TBC1D4: variants seen among roughly 807,000 people sequenced by gnomAD.
TBC1D4 encodes the protein TBC (Tre-2, BUB2, CDC16) domain-containing protein.
TBC1D4 carries 121 observed loss-of-function variants against 142.5 expected under a neutral mutation model. The observed-to-expected ratio is 0.85, with a 90% CI of 0.73 to 0.99. TBC1D4 has a LOEUF of 0.99. TBC1D4 is among the 50% of genes least tolerant of loss of function. The pLI, the probability that TBC1D4 is intolerant of heterozygous loss-of-function variation, is 0.00. For synonymous variants in TBC1D4, 630 were observed against 628.2 expected, an observed-to-expected ratio of 1.00 and a Z score of -0.04; for missense variants, 1,475 against 1,606.6, an observed-to-expected ratio of 0.92 and a Z score of 1.40.
chr13:75,401,119 A>G (rs1885069515), intron 1 of TBC1D4, among the ~76,000 whole-genome samples: 1 of 152,198 alleles, frequency 6.6e-6, no homozygotes, highest in South Asian at 2.1e-4. Flanking sequence ...TGGTATCAAA[A>G]TGCTTTCAAA....
At chr13:75,343,874 C>G (rs1480376203) in intron 5 of TBC1D4, among the ~76,000 whole-genome samples, 1 of 151,814 alleles carries the variant, frequency 6.6e-6, no homozygotes, top group Non-Finnish European at 1.5e-5. Context: ...GAGTTTCACT[C>G]TCGTCACCTA....
At chr13:75,292,414 A>T (rs1311711236) in intron 18 of TBC1D4, 143 bp from the exon 19 acceptor site, 1 of 658,474 alleles carries the variant, frequency 1.5e-6, no homozygotes, top group Admixed American at 3.0e-5. Context: ...GCTTTTTTTT[A>T]AAAAAGCAAT....
At chr13:75,410,935 CAAAAAAAAAA>C (rs60172018) in intron 1 of TBC1D4, among the ~76,000 whole-genome samples, 5 of 63,238 alleles carry the variant, frequency 7.9e-5, no homozygotes, top group Admixed American at 2.6e-4. Flanking sequence ...GACTCCGTCT[CAAAAAAAAAA>C]AAAAAAAAAA....
At chr13:75,369,994 T>C (rs888526552) in intron 1 of TBC1D4, among the ~76,000 whole-genome samples, 1 of 152,044 alleles carries the variant, frequency 6.6e-6, no homozygotes, top group Non-Finnish European at 1.5e-5. Flanking sequence ...AGGCAGAAAT[T>C]TGGAAAGACA....
chr13:75,326,098 T>A, intron 10 of TBC1D4, 99 bp downstream of exon 10: 1 of 1,369,084 alleles, frequency 7.3e-7, no homozygotes, highest in Non-Finnish European at 1.0e-6. Flanking sequence ...AAACTAAAAG[T>A]TGGCTACAGC....
At chr13:75,427,661 C>T (rs75389416) in intron 1 of TBC1D4, among the ~76,000 whole-genome samples, 6,454 of 152,276 alleles carry the variant, frequency 0.042, 173 homozygotes, top group Middle Eastern at 0.071. Context: ...CGGCACTTGC[C>T]CCAATACTCA....
intron 1 of TBC1D4, among the ~76,000 whole-genome samples, chr13:75,376,602 C>T (rs1222075393): frequency 6.6e-6 from 1 of 152,134 alleles, no homozygotes; most frequent in African/African-American, 2.4e-5. Flanking sequence ...AGGCTGGTCT[C>T]GAACTCCTGA....
At chr13:75,371,113 G>C (rs903399115) in intron 1 of TBC1D4, among the ~76,000 whole-genome samples, 2 of 152,182 alleles carry the variant, frequency 1.3e-5, no homozygotes, top group African/African-American at 4.8e-5. Context: ...AGGTGACTTT[G>C]ACAAGAAAAA....
chr13:75,447,747 T>A (rs1020573417), intron 1 of TBC1D4, among the ~76,000 whole-genome samples: 15 of 152,168 alleles, frequency 9.9e-5, no homozygotes, highest in African/African-American at 3.4e-4. Flanking sequence ...GAGCTCTACC[T>A]CCTGTCAGAT....
chr13:75,286,925 T>C lies in TBC1D4; in HGVS notation c.3764A>G (p.Lys1255Arg). Residue 1255 changes from lysine (K) to arginine (R), a missense_variant, in exon 21 of 21, where the codon AAA (lysine) becomes AGA (arginine). This residue lies in a region of TBC1D4 where 248 missense variants were observed against 338.9 expected (regional missense o/e 0.73). Coordinates refer to ENST00000377636, the MANE Select transcript of TBC1D4 (RefSeq NM_014832.5). ...CTCCACTGTCTTTTGATAAGCCATT[T>C]TTTCTTGTTCCAGGGTCCGGATTAA... ...KSLIRTLEQE[K>R]MAYQKTVEQL... 1 of 1,614,020 alleles carries C rather than the reference T, an allele frequency of 6.2e-7. No homozygotes were observed. The highest frequency in any genetic ancestry group is 8.5e-7 in the Non-Finnish European group (1 of 1,179,980).
At chr13:75,298,026 C>A (rs773996393) in intron 17 of TBC1D4, among the ~76,000 whole-genome samples, 6 of 152,112 alleles carry the variant, frequency 3.9e-5, no homozygotes, top group Non-Finnish European at 5.9e-5. Context: ...CTATAACGCT[C>A]AGACTAAAAA....
intron 8 of TBC1D4, among the ~76,000 whole-genome samples, chr13:75,331,392 T>G (rs532831610): frequency 9.5e-4 from 145 of 152,094 alleles, no homozygotes; most frequent in African/African-American, 3.4e-3. Context: ...CCTAGCTACT[T>G]GGGAGGCTAA....
At chr13:75,399,671 T>G (rs1254524106) in intron 1 of TBC1D4, among the ~76,000 whole-genome samples, 1 of 152,262 alleles carries the variant, frequency 6.6e-6, no homozygotes, top group Non-Finnish European at 1.5e-5. Flanking sequence ...GTAAATAATT[T>G]GTGGCCAGAG....
intron 1 of TBC1D4, among the ~76,000 whole-genome samples, chr13:75,451,593 T>C (rs1334809537): frequency 6.7e-6 from 1 of 150,230 alleles, no homozygotes; most frequent in Non-Finnish European, 1.5e-5. Context: ...GGTGGGAGGA[T>C]CCCTTGAGCC....
At position 75,429,707 on chromosome 13, in the gene TBC1D4, A is replaced by C. The variant is rs553718402; in HGVS notation, c.498+51563T>G. ...AAAAGTATTGGGGGAGAAAAGAAAA[A>C]ACAAAACACCTGAGAGAAATTGGAA... On this transcript the variant is annotated intron_variant, in intron 1 of 20. Transcript: ENST00000377636. Among the ~76,000 whole-genome samples the C allele has an allele frequency of 3.9e-5, 6 of 152,308 alleles. No individual in the cohort carries two copies. In the East Asian group the frequency reaches 9.6e-4, roughly 24 times the overall value.
At chr13:75,349,114 C>T in intron 5 of TBC1D4, 56 bp downstream of exon 5, 1 of 1,613,020 alleles carries the variant, frequency 6.2e-7, no homozygotes, top group South Asian at 1.1e-5. Context: ...GGGACTTTCT[C>T]ATTTCCCAAA....
chr13:75,473,563 A>G (rs1229973089), intron 1 of TBC1D4, among the ~76,000 whole-genome samples: 1 of 152,246 alleles, frequency 6.6e-6, no homozygotes, highest in African/African-American at 2.4e-5. Context: ...AGACTATTCA[A>G]CTGGTTAAGG....
chr13:75,324,918 T>C (rs976340990), intron 10 of TBC1D4, among the ~76,000 whole-genome samples: 2 of 152,158 alleles, frequency 1.3e-5, no homozygotes, highest in Admixed American at 6.5e-5. Flanking sequence ...CTGAGGACAG[T>C]GGAATTGTGC....
chr13:75,335,805 C>T (rs1404280622), intron 8 of TBC1D4, among the ~76,000 whole-genome samples: 5 of 152,166 alleles, frequency 3.3e-5, no homozygotes, highest in Non-Finnish European at 5.9e-5. Context: ...AAGCAGAAGC[C>T]ACTATGCTTC....
Sources: allele counts gnomAD v4.1 joint callset (sites outside exome capture counted in the v4.1 genomes callset), GRCh38; gene constraint gnomAD v4.1.1; regional missense constraint gnomAD v4.1.1; transcripts MANE v1.5; gene names NCBI Gene and HGNC (gene_info 2026-07-23, HGNC 2026-07-21).